The following IQSEC3 variants were observed in gnomAD, a reference collection of about 807,000 sequenced individuals.
The protein encoded by IQSEC3 is IQ motif and Sec7 domain ArfGEF 3.
IQSEC3 carries 50 observed loss-of-function variants against 105.4 expected under a neutral mutation model. That is an observed-to-expected ratio of 0.47 (90% CI 0.38 to 0.60). The LOEUF is 0.60. Ranked by LOEUF, IQSEC3 falls within the 20% of genes least tolerant of loss-of-function variation. The probability of loss-of-function intolerance (pLI) is 0.00; values close to 1 mark genes in which losing one functional copy is unlikely to be tolerated. For synonymous variants in IQSEC3, 708 were observed against 746.0 expected (o/e 0.95, Z 0.83); for missense variants, 1,415 against 1,630.0 (o/e 0.87, Z 2.27).
rs781858989 is a variant in IQSEC3 at position 125,863 on chromosome 12, C to A, written c.854C>A (p.Ala285Asp). Residue 285 changes from alanine to aspartate, a missense_variant, in exon 3 of 14, where the codon GCC (alanine) becomes GAC (aspartate). By Grantham distance (126) the Ala-to-Asp change is moderately radical. Coordinates refer to ENST00000538872, the MANE Select transcript of IQSEC3 (RefSeq NM_001170738.2). ...CTGGCGACGGCGCTGTGCCCCCACG[C>A]CCCTGCCGCCTCCGATTACGAACTC... The part of the protein sequence containing the change: ...PALATALCPH[A>D]PAASDYELSL... The A allele has an allele frequency of 6.5e-7, 1 of 1,533,692 alleles. No homozygotes were observed. Among genetic ancestry groups the A allele is most frequent in the South Asian group, 1.2e-5 (1 of 84,002 alleles).
intron 11 of IQSEC3, among the ~76,000 whole-genome samples, chr12:168,073 A>G (rs1274372688): frequency 1.3e-5 from 2 of 152,224 alleles, no homozygotes; most frequent in Non-Finnish European, 2.9e-5. Flanking sequence ...GTTTCTAGAC[A>G]ACCAGAGAGA....
In IQSEC3 at chr12:79,310, G is replaced by A. The variant is rs115799799; in HGVS notation, c.554+11874G>A. On this transcript the variant is annotated intron_variant, in intron 1 of 13. Coordinates refer to ENST00000538872, the MANE Select transcript of IQSEC3 (RefSeq NM_001170738.2). ...GCCACAGATGGGACCTATCACACAT[G>A]AGGTCAGCTAAAGCCTCAGGGCTCT... Among the ~76,000 whole-genome samples the A allele has an allele frequency of 2.7e-3, 408 of 152,306 alleles. 3 individuals are homozygous for A. Among genetic ancestry groups the A allele is most frequent in the African/African-American group, 8.7e-3 (361 of 41,560 alleles).
chr12:145,835 G>A (rs1012826198), intron 5 of IQSEC3, among the ~76,000 whole-genome samples: 2 of 152,366 alleles, frequency 1.3e-5, no homozygotes, highest in South Asian at 4.1e-4. Flanking sequence ...AACGTTCCAT[G>A]CTGGCTGTGA....
chr12:96,299 G>A (rs1864241951), intron 1 of IQSEC3, among the ~76,000 whole-genome samples: 1 of 152,218 alleles, frequency 6.6e-6, no homozygotes, highest in Admixed American at 6.5e-5. Flanking sequence ...AAATGAGACG[G>A]TGTAAAGACC....
intron 3 of IQSEC3, among the ~76,000 whole-genome samples, chr12:127,802 G>A (rs1240226661): frequency 6.6e-6 from 1 of 152,070 alleles, no homozygotes; most frequent in African/African-American, 2.4e-5. Context: ...AGTAGGTTGC[G>A]AAAATTTTCT....
chr12:125,870 C>G lies in IQSEC3; in HGVS notation c.861C>G (p.Ala287=). ...CGGCGCTGTGCCCCCACGCCCCTGC[C>G]GCCTCCGATTACGAACTCTCCCTTG... ...LATALCPHAP[A]ASDYELSLDL... The change falls in exon 3 of 14, where the codon GCC becomes GCG. Residue 287 remains alanine, a synonymous_variant. Coordinates refer to ENST00000538872, the MANE Select transcript of IQSEC3 (RefSeq NM_001170738.2). 6.5e-7 allele frequency: 1 copy of G among 1,533,722 alleles called. No individual in the cohort carries two copies.
At chr12:145,508 A>G (rs1555090736) in intron 5 of IQSEC3, among the ~76,000 whole-genome samples, 1 of 152,198 alleles carries the variant, frequency 6.6e-6, no homozygotes, top group Non-Finnish European at 1.5e-5. Flanking sequence ...CCCCGCGCAC[A>G]AGGAAACCTC....
intron 1 of IQSEC3, among the ~76,000 whole-genome samples, chr12:96,397 CG>C: frequency 6.6e-6 from 1 of 152,148 alleles, no homozygotes; most frequent in Non-Finnish European, 1.5e-5. Flanking sequence ...TAAAAAGGTG[CG>C]AGACTCTTAA....
chr12:157,767 G>C, intron 7 of IQSEC3, 73 bp downstream of exon 7: 1 of 1,496,494 alleles, frequency 6.7e-7, no homozygotes, highest in Non-Finnish European at 9.1e-7. Context: ...CGTGCATTCT[G>C]TGAGTCTGAG....
intron 1 of IQSEC3, among the ~76,000 whole-genome samples, chr12:75,806 A>C (rs782196535): frequency 5.3e-4 from 80 of 152,356 alleles, no homozygotes; most frequent in Middle Eastern, 6.8e-3. Context: ...GCTGAGGAAG[A>C]GTTGGGCAGA....
intron 8 of IQSEC3, among the ~76,000 whole-genome samples, chr12:163,258 G>A (rs1866995755): frequency 2.0e-5 from 1 of 49,388 alleles, no homozygotes; most frequent in Non-Finnish European, 3.7e-5. Flanking sequence ...CCACAGAACC[G>A]GACCCCTCCC....
At chr12:98,264 A>G (rs74331642) in intron 1 of IQSEC3, among the ~76,000 whole-genome samples, 2,055 of 152,284 alleles carry the variant, frequency 0.013, 33 homozygotes, top group African/African-American at 0.038. Flanking sequence ...TTAGAGGTGG[A>G]AGGGACCTAG....
chr12:87,300 C>G (rs1863948989), intron 1 of IQSEC3, among the ~76,000 whole-genome samples: 1 of 152,092 alleles, frequency 6.6e-6, no homozygotes, highest in South Asian at 2.1e-4. Flanking sequence ...TTCCTCCCAG[C>G]ATGAAGGCTG....
At position 66,862 on chromosome 12, in the gene IQSEC3, G is replaced by A. The variant is rs1863106224; in HGVS notation, c.-21G>A. The A allele has an allele frequency of 2.1e-6, 3 of 1,404,834 alleles. No homozygotes were observed. The highest frequency in any genetic ancestry group is 3.0e-5 in the East Asian group (1 of 33,042). The allele number at this position is 1,404,834 out of a possible 1,614,324, so 87.0% of individuals were successfully genotyped here. ...CGCCGCCAGCCCAGGCGCAGGCAGG[G>A]CGCAGGCGGCGGCGGGCGGCATGGA... On this transcript the variant is annotated 5_prime_UTR_variant, in exon 1 of 14. Coordinates refer to ENST00000538872, the MANE Select transcript of IQSEC3 (RefSeq NM_001170738.2).
At chr12:73,139 T>C (rs1863391752) in intron 1 of IQSEC3, among the ~76,000 whole-genome samples, 1 of 151,910 alleles carries the variant, frequency 6.6e-6, no homozygotes, top group Admixed American at 6.6e-5. Context: ...GCTAAATCTT[T>C]CAGGCTGAAA....
rs782002959 is a variant in IQSEC3, at chr12:138,677, G to A, written c.1314G>A (p.Gln438=). 16 of 1,548,708 alleles carry A rather than the reference G, an allele frequency of 1.0e-5. No homozygotes were observed. Among genetic ancestry groups the A allele is most frequent in the Non-Finnish European group, 1.4e-5 (16 of 1,153,812 alleles). Residue 438 remains glutamine, a synonymous_variant, in exon 4 of 14, where the codon CAG becomes CAA. Transcript: ENST00000538872. This position sits in a 1 kb window ranked among gnomAD's most constrained non-coding sequence, Gnocchi z 7.1. ...AGAGTGGCGCTTACCAGCTCCACCA[G>A]GCCCTGCAGGCGGCCGCGGGGCCCC... The part of the protein sequence containing the change: ...LRESGAYQLH[Q]ALQAAAGPPG...
intron 5 of IQSEC3, among the ~76,000 whole-genome samples, chr12:155,822 G>C (rs1866665084): frequency 6.6e-6 from 1 of 152,210 alleles, no homozygotes; most frequent in Admixed American, 6.5e-5. Context: ...GCAGTGTCAG[G>C]GGCAGTGCAG....
intron 2 of IQSEC3, 71 bp downstream of exon 2, chr12:99,285 T>C: frequency 7.2e-7 from 1 of 1,393,288 alleles, no homozygotes; most frequent in Non-Finnish European, 9.9e-7. Flanking sequence ...CACGTACCAC[T>C]GCACTAGCTA....
intron 11 of IQSEC3, among the ~76,000 whole-genome samples, chr12:168,562 T>C (rs1290336527): frequency 3.3e-5 from 5 of 152,118 alleles, no homozygotes; most frequent in Admixed American, 6.5e-5. Flanking sequence ...CAAACCTTAA[T>C]ACTTAAGGAG....
Sources: allele counts gnomAD v4.1 joint callset (sites outside exome capture counted in the v4.1 genomes callset), GRCh38; gene constraint gnomAD v4.1.1; non-coding constraint Gnocchi (gnomAD v3.1); transcripts MANE v1.5; gene names NCBI Gene and HGNC (gene_info 2026-07-23, HGNC 2026-07-21).